FRMD5: variants seen among roughly 807,000 people sequenced by gnomAD.
The protein encoded by FRMD5 is FERM domain-containing protein 5.
A neutral mutation model predicts 69.0 loss-of-function variants in FRMD5; 20 were observed. The observed-to-expected ratio is 0.29, with a 90% confidence interval of 0.20 to 0.42. The LOEUF (loss-of-function observed/expected upper bound fraction) is 0.42. FRMD5 is among the 10% of genes least tolerant of loss of function. The pLI is 1.00. For synonymous variants in FRMD5, 271 were observed against 260.1 expected, an observed-to-expected ratio of 1.04 and a Z score of -0.40; for missense variants, 595 against 708.6, an observed-to-expected ratio of 0.84 and a Z score of 1.82.
intron 1 of FRMD5, among the ~76,000 whole-genome samples, chr15:44,037,330 T>A (rs1033936435): frequency 2.0e-5 from 3 of 152,230 alleles, no homozygotes; most frequent in Non-Finnish European, 2.9e-5. Flanking sequence ...TCCTTTTTTA[T>A]GGCTGCCTAG....
At chr15:44,166,588 C>G (rs964695906) in intron 1 of FRMD5, among the ~76,000 whole-genome samples, 1 of 151,718 alleles carries the variant, frequency 6.6e-6, no homozygotes, top group African/African-American at 2.4e-5. Context: ...AGTTCAAGAA[C>G]AGCCTGGTCA....
chr15:44,068,625 T>C (rs1893408790), intron 1 of FRMD5, among the ~76,000 whole-genome samples: 1 of 152,156 alleles, frequency 6.6e-6, no homozygotes, highest in Non-Finnish European at 1.5e-5. Flanking sequence ...TGACTGCTAA[T>C]GGGTACGAGA....
chr15:44,077,449 A>T (rs1162511361), intron 1 of FRMD5, among the ~76,000 whole-genome samples: 1 of 152,146 alleles, frequency 6.6e-6, no homozygotes, highest in African/African-American at 2.4e-5. Flanking sequence ...CCAAAACTGT[A>T]AGAGATTACA....
At chr15:43,927,193 A>G (rs911887673) in intron 1 of FRMD5, among the ~76,000 whole-genome samples, 2 of 152,114 alleles carry the variant, frequency 1.3e-5, no homozygotes, top group Non-Finnish European at 2.9e-5. Context: ...TCTTCCTTGA[A>G]TTTCTTGAAA....
intron 4 of FRMD5, among the ~76,000 whole-genome samples, chr15:43,910,847 A>C (rs545119): frequency 0.17 from 25,297 of 152,252 alleles, 4,843 homozygotes; most frequent in African/African-American, 0.47. Flanking sequence ...CCCCATTATT[A>C]CAGATAGAGA....
At chr15:44,149,317 A>C (rs563389481) in intron 1 of FRMD5, among the ~76,000 whole-genome samples, 43 of 152,264 alleles carry the variant, frequency 2.8e-4, no homozygotes, top group African/African-American at 1.0e-3. Flanking sequence ...CACTACAAAA[A>C]GTCAACTAAA....
chr15:43,974,473 G>A (rs1226279938), intron 1 of FRMD5, among the ~76,000 whole-genome samples: 2 of 152,104 alleles, frequency 1.3e-5, no homozygotes, highest in East Asian at 3.9e-4. Context: ...TGCTTTTTAT[G>A]CCTTAGGATG....
At chr15:44,080,451 A>G (rs186317757) in intron 1 of FRMD5, among the ~76,000 whole-genome samples, 17 of 152,242 alleles carry the variant, frequency 1.1e-4, no homozygotes, top group Admixed American at 7.9e-4. Flanking sequence ...ACATTTCTAA[A>G]TCTACCTTTG....
intron 1 of FRMD5, among the ~76,000 whole-genome samples, chr15:44,033,908 T>G (rs771088074): frequency 6.6e-6 from 1 of 152,194 alleles, no homozygotes; most frequent in Non-Finnish European, 1.5e-5. Context: ...TGTCTGGTAT[T>G]TATTAAGTGT....
At chr15:44,176,212 C>T (rs1006093441) in intron 1 of FRMD5, among the ~76,000 whole-genome samples, 1 of 152,056 alleles carries the variant, frequency 6.6e-6, no homozygotes, top group Non-Finnish European at 1.5e-5. Context: ...AATTTAGAGT[C>T]CAGAAATAAA....
At position 43,970,934 on chromosome 15, in the gene FRMD5, GAA is replaced by G. The variant is rs371324273; in HGVS notation, c.103-46627_103-46626del. Among the ~76,000 whole-genome samples, 782 of 152,146 alleles carry G rather than the reference GAA, an allele frequency of 5.1e-3. 12 individuals carry two copies. Among genetic ancestry groups the G allele is most frequent in the African/African-American group, 0.018 (747 of 41,526 alleles). On this transcript the variant is annotated intron_variant, in intron 1 of 13. Transcript: ENST00000417257. The stretch of plus-strand genomic sequence containing the variant: ...GAGTAAGCTGATGACAAGGTGGGAG[GAA>G]AAAATTCAGGCCCTTTAGAAATTTG...
At chr15:43,946,768 C>T (rs1471460247) in intron 1 of FRMD5, among the ~76,000 whole-genome samples, 1 of 152,170 alleles carries the variant, frequency 6.6e-6, no homozygotes, top group Non-Finnish European at 1.5e-5. Flanking sequence ...TCTCTTCTGT[C>T]CCCCTGCTCC....
intron 1 of FRMD5, among the ~76,000 whole-genome samples, chr15:44,096,786 C>T (rs2076559911): frequency 6.6e-6 from 1 of 152,134 alleles, no homozygotes; most frequent in South Asian, 2.1e-4. Context: ...CAGCCCATTT[C>T]ACAACCACAA....
chr15:44,031,128 G>A (rs902582698), intron 1 of FRMD5, among the ~76,000 whole-genome samples: 1 of 152,084 alleles, frequency 6.6e-6, no homozygotes, highest in East Asian at 1.9e-4. Flanking sequence ...GGATGGATGG[G>A]TGCTGCACAC....
chr15:44,178,993 G>GAAATAAAT lies in FRMD5; in HGVS notation c.102+15952_102+15959dup, dbSNP rs58781373. 3.0e-3 allele frequency among the ~76,000 whole-genome samples: 460 copies of GAAATAAAT among 151,504 alleles called. 2 individuals are homozygous for GAAATAAAT. The highest frequency in any genetic ancestry group is 0.011 in the African/African-American group (431 of 41,044). On this transcript the variant is annotated intron_variant, in intron 1 of 13. Coordinates refer to ENST00000417257, the MANE Select transcript of FRMD5 (RefSeq NM_032892.5). ...GGCAACAAGAGTGAAACTCTGTCTTGAAATAAATAAATAAATAAATAAATA... is the reference window on the plus strand; with the variant it reads ...GGCAACAAGAGTGAAACTCTGTCTTGAAATAAATAAATAAATAAATAAATAAATAAATA...
intron 1 of FRMD5, among the ~76,000 whole-genome samples, chr15:44,166,821 G>C (rs1170475406): frequency 7.0e-6 from 1 of 143,308 alleles, no homozygotes; most frequent in Non-Finnish European, 1.5e-5. Flanking sequence ...GAAAGTTCTT[G>C]TGCAAAGATT....
chr15:43,952,046 G>A (rs974922534), intron 1 of FRMD5, among the ~76,000 whole-genome samples: 3 of 148,834 alleles, frequency 2.0e-5, no homozygotes, highest in Admixed American at 1.3e-4. Flanking sequence ...GTGTGTTTCA[G>A]AGTTGCCATG....
At chr15:44,033,898 T>C (rs1393436990) in intron 1 of FRMD5, among the ~76,000 whole-genome samples, 10 of 152,240 alleles carry the variant, frequency 6.6e-5, no homozygotes, top group Non-Finnish European at 1.2e-4. Flanking sequence ...CTTGGCATAC[T>C]GTCTGGTATT....
chr15:44,146,857 G>A (rs748988039), intron 1 of FRMD5, among the ~76,000 whole-genome samples: 4 of 152,008 alleles, frequency 2.6e-5, no homozygotes, highest in Non-Finnish European at 5.9e-5. Flanking sequence ...GATTTTTCTT[G>A]TACATTTGTT....
Sources: allele counts gnomAD v4.1 joint callset (sites outside exome capture counted in the v4.1 genomes callset), GRCh38; gene constraint gnomAD v4.1.1; transcripts MANE v1.5; gene names NCBI Gene and HGNC (gene_info 2026-07-23, HGNC 2026-07-21).